KCNC4: variants seen among roughly 807,000 people sequenced by gnomAD.
The protein encoded by KCNC4 is voltage-gated potassium channel KCNC4.
A neutral mutation model predicts 42.8 loss-of-function variants in KCNC4; 23 were observed. That is an observed-to-expected ratio of 0.54 (90% CI 0.39 to 0.76). The LOEUF (loss-of-function observed/expected upper bound fraction) is 0.76, where lower values mean the gene tolerates loss of function less well. Among genes scored for constraint, KCNC4 ranks in the 30% least tolerant of loss-of-function variants. The pLI is 0.00. For missense variants in KCNC4, 751 were observed against 898.2 expected, an observed-to-expected ratio of 0.84 and a Z score of 2.10; for synonymous variants, 422 against 393.5, an observed-to-expected ratio of 1.07 and a Z score of -0.86.
rs1658800562 is a variant in KCNC4 at position 110,233,249 on chromosome 1, GTCT to G, written c.*282_*284del. On this transcript the variant is annotated 3_prime_UTR_variant, in exon 4 of 4. Coordinates refer to ENST00000438661, the MANE Select transcript of KCNC4 (RefSeq NM_001039574.3). ...GTAGTGCACGTGCTATTGGTGGTTT[GTCT>G]TCTTTGTTAGGCTGTGTCTCCCTAA... The G allele has an allele frequency of 1.8e-6, 1 of 546,710 alleles. No individual in the cohort carries two copies. 33.9% of individuals were successfully genotyped at this position (546,710 alleles called of 1,614,324 possible).
At chr1:110,272,138 A>T (rs536739014) in intron 1 of KCNC4, among the ~76,000 whole-genome samples, 17 of 152,266 alleles carry the variant, frequency 1.1e-4, no homozygotes, top group Non-Finnish European at 2.1e-4. Context: ...GACCAGCTGG[A>T]CTGCCTTATG....
intron 3 of KCNC4, 132 bp from the exon 4 acceptor site, chr1:110,232,779 G>T: frequency 6.5e-7 from 1 of 1,539,660 alleles, no homozygotes; most frequent in Non-Finnish European, 8.7e-7. Context: ...TCAGCAGCTG[G>T]CTTCCTTCTA....
intron 1 of KCNC4, among the ~76,000 whole-genome samples, chr1:110,217,579 G>A (rs1657866172): frequency 6.6e-6 from 1 of 152,192 alleles, no homozygotes; most frequent in African/African-American, 2.4e-5. Context: ...ATCCGGGCTA[G>A]ACTGAATTCC....
chr1:110,230,104 T>A (rs956146578), intron 3 of KCNC4, among the ~76,000 whole-genome samples: 1 of 152,100 alleles, frequency 6.6e-6, no homozygotes, highest in Admixed American at 6.5e-5. Context: ...AGTGTCCCCA[T>A]CTCGGCACCT....
chr1:110,227,475 G>A (rs931258966), intron 3 of KCNC4, among the ~76,000 whole-genome samples: 7 of 152,334 alleles, frequency 4.6e-5, no homozygotes, highest in South Asian at 4.1e-4. Context: ...TGCCTAGAAG[G>A]AAGTGGTCCA....
chr1:110,245,736 CCTCTTCTCTTCTCTTG>C (rs1298988005), exon 4 of KCNC4: 1 of 152,278 alleles, frequency 6.6e-6, no homozygotes, highest in Non-Finnish European at 1.5e-5. Context: ...CTCTTCTCTT[CCTCTTCTCTTCTCTTG>C]GCCTGAAGAA....
At chr1:110,254,100 G>GGT (rs1553216669), downstream of KCNC4, among the ~76,000 whole-genome samples, 3 of 134,070 alleles carry the variant, frequency 2.2e-5, no homozygotes, top group African/African-American at 7.9e-5. Flanking sequence ...CGGGGGGGGG[G>GGT]CGGCGTTTCT....
intron 1 of KCNC4, among the ~76,000 whole-genome samples, chr1:110,212,966 T>C (rs1446580879): frequency 6.6e-6 from 1 of 151,986 alleles, no homozygotes; most frequent in African/African-American, 2.4e-5. Flanking sequence ...TGCCGCTTCT[T>C]TTCTTTCTGC....
At chr1:110,276,783 C>A (rs1450295371) in intron 1 of KCNC4, among the ~76,000 whole-genome samples, 2 of 152,074 alleles carry the variant, frequency 1.3e-5, no homozygotes, top group African/African-American at 4.8e-5. Flanking sequence ...TTAGAACAGC[C>A]CCAGGAGCTT....
intron 1 of KCNC4, among the ~76,000 whole-genome samples, chr1:110,254,402 T>G (rs1331586447): frequency 6.6e-6 from 1 of 152,206 alleles, no homozygotes; most frequent in Non-Finnish European, 1.5e-5. Flanking sequence ...TTGCACCTCA[T>G]GTTCCTTCAT....
At position 110,223,895 on chromosome 1, in the gene KCNC4, G is replaced by A. The variant is rs201507570; in HGVS notation, c.1610G>A (p.Arg537Gln). 24 of 1,587,786 alleles carry A rather than the reference G, an allele frequency of 1.5e-5. No homozygotes were observed. The highest frequency in any genetic ancestry group is 1.1e-4 in the African/African-American group (8 of 74,468). Residue 537 changes from arginine (R) to glutamine (Q), a missense_variant, in exon 2 of 4, where the codon CGG becomes CAG. By Grantham distance (43) the Arg-to-Gln change is conservative (BLOSUM62 1). Coordinates refer to ENST00000438661, the MANE Select transcript of KCNC4 (RefSeq NM_001039574.3). The surrounding 1 kb of genome is among the most constrained non-coding windows in gnomAD (Gnocchi z 7.5). ...GAAGAGGGTATGATCGAGAGGAAACGGGCAGGTGAGATTAGGGGTTGGGAA... is the reference window on the plus strand; with the variant it reads ...GAAGAGGGTATGATCGAGAGGAAACAGGCAGGTGAGATTAGGGGTTGGGAA... ...AREEGMIERKRADSKQNGDAN... is the reference protein window; with the variant it reads ...AREEGMIERKQADSKQNGDAN...
At chr1:110,244,775 T>C (rs705292) in exon 4 of KCNC4, 111,166 of 152,136 alleles carry the variant, frequency 0.73, 40,810 homozygotes, top group South Asian at 0.76. Context: ...TCAGCTCTAC[T>C]TGGGCCTGAA....
intron 1 of KCNC4, among the ~76,000 whole-genome samples, chr1:110,277,130 G>C (rs1659740326): frequency 6.6e-6 from 1 of 152,192 alleles, no homozygotes; most frequent in Non-Finnish European, 1.5e-5. Context: ...AGGGACTTAG[G>C]CTTACTTGAT....
intron 1 of KCNC4, chr1:110,221,156 C>G (rs1033252090): frequency 6.6e-6 from 1 of 152,240 alleles, no homozygotes; most frequent in African/African-American, 2.4e-5. Flanking sequence ...ATCAGTGATT[C>G]AGAGATGGCT....
chr1:110,247,281 G>A (rs1557869736), exon 4 of KCNC4: 1 of 148,450 alleles, frequency 6.7e-6, no homozygotes, highest in African/African-American at 2.5e-5. Flanking sequence ...AGACTGGAGT[G>A]CAATGATACC....
chr1:110,261,701 A>G (rs965067986), intron 1 of KCNC4, among the ~76,000 whole-genome samples: 1 of 152,208 alleles, frequency 6.6e-6, no homozygotes, highest in Admixed American at 6.5e-5. Context: ...TATGTGCACA[A>G]AATGCTGTGT....
chr1:110,254,573 G>C (rs1659299569), intron 1 of KCNC4, among the ~76,000 whole-genome samples: 1 of 152,210 alleles, frequency 6.6e-6, no homozygotes, highest in Non-Finnish European at 1.5e-5. Flanking sequence ...GGCATAGGCT[G>C]CTTGCTCTAA....
exon 4 of KCNC4, chr1:110,240,373 G>A (rs1175495357): frequency 6.6e-6 from 1 of 152,242 alleles, no homozygotes; most frequent in East Asian, 1.9e-4. Context: ...TTAACCTGAG[G>A]CCCAGCTCCA....
At chr1:110,214,531 CT>C (rs972624644) in intron 1 of KCNC4, among the ~76,000 whole-genome samples, 11 of 152,192 alleles carry the variant, frequency 7.2e-5, no homozygotes, top group Non-Finnish European at 1.5e-5. Context: ...GCTGTATATA[CT>C]TTACATTAAT....
Sources: gnomAD v4.1 joint callset for allele counts (sites outside exome capture counted in the v4.1 genomes callset) on GRCh38, gnomAD v4.1.1 for gene constraint, Gnocchi (gnomAD v3.1) non-coding constraint, MANE v1.5 for transcripts, NCBI Gene and HGNC (gene_info 2026-07-23, HGNC 2026-07-21) for gene names.